Variants in LDLRAD4 observed in about 807,000 individuals in gnomAD.
LDLRAD4 encodes low density lipoprotein receptor class A domain containing 4.
Under a neutral mutation model 17.0 loss-of-function variants are expected in LDLRAD4, and 5 were observed. That is an observed-to-expected ratio of 0.29 (90% CI 0.15 to 0.62). The LOEUF (loss-of-function observed/expected upper bound fraction) is 0.62, where lower values mean the gene tolerates loss of function less well. Ranked by LOEUF, LDLRAD4 falls within the 20% of genes least tolerant of loss-of-function variation. The pLI is 0.84. For missense variants in LDLRAD4, 340 were observed against 424.7 expected (o/e 0.80, Z 1.75); for synonymous variants, 168 against 171.8 (o/e 0.98, Z 0.17).
chr18:13,589,887 G>A (rs751922842), intron 3 of LDLRAD4, among the ~76,000 whole-genome samples: 5 of 152,174 alleles, frequency 3.3e-5, no homozygotes, highest in Non-Finnish European at 1.5e-5. Context: ...TCTCTGATCC[G>A]GGGGTGCTGG....
rs370327033 is a variant in LDLRAD4 at position 13,559,823 on chromosome 18, C to T, written c.182-61294C>T. Among the ~76,000 whole-genome samples the T allele has an allele frequency of 1.5e-4, 23 of 152,254 alleles. No homozygotes were observed. In the East Asian group the frequency reaches 3.9e-3, roughly 26 times the overall value. On this transcript the variant is annotated intron_variant, in intron 3 of 5. Transcript: ENST00000359446. ...ACTCAGTTGCCCATGGAGGAGTTGGCGGGAGATCTCTGATGCCTCTTCCAG... is the reference window on the plus strand; with the variant it reads ...ACTCAGTTGCCCATGGAGGAGTTGGTGGGAGATCTCTGATGCCTCTTCCAG...
chr18:13,397,283 A>G (rs1391170784), intron 2 of LDLRAD4, among the ~76,000 whole-genome samples: 1 of 152,172 alleles, frequency 6.6e-6, no homozygotes, highest in Non-Finnish European at 1.5e-5. Flanking sequence ...AGCTGGGACT[A>G]CAGGCACCCG....
chr18:13,400,146 C>G (rs2087045273), intron 2 of LDLRAD4, among the ~76,000 whole-genome samples: 1 of 152,108 alleles, frequency 6.6e-6, no homozygotes, highest in African/African-American at 2.4e-5. Flanking sequence ...AATGACAAAA[C>G]TGGAAAATAT....
chr18:13,299,733 T>C (rs545365028), intron 1 of LDLRAD4, among the ~76,000 whole-genome samples: 2 of 152,152 alleles, frequency 1.3e-5, no homozygotes, highest in Admixed American at 1.3e-4. Context: ...TCCAAGCTAC[T>C]CAGGAGGCTG....
At chr18:13,528,250 A>C (rs907285646) in intron 3 of LDLRAD4, among the ~76,000 whole-genome samples, 1 of 152,212 alleles carries the variant, frequency 6.6e-6, no homozygotes, top group Non-Finnish European at 1.5e-5. Context: ...CTCTGCCAGC[A>C]CTGAGCTGGA....
intron 1 of LDLRAD4, among the ~76,000 whole-genome samples, chr18:13,357,645 G>A (rs2083427504): frequency 1.3e-5 from 2 of 152,214 alleles, no homozygotes; most frequent in Admixed American, 1.3e-4. Flanking sequence ...ATGTGTGCCT[G>A]TCCATATTTC....
intron 2 of LDLRAD4, among the ~76,000 whole-genome samples, chr18:13,429,206 T>G (rs751283185): frequency 6.6e-6 from 1 of 152,162 alleles, no homozygotes; most frequent in Non-Finnish European, 1.5e-5. Context: ...TGAGGCCAAG[T>G]TAACCACATG....
chr18:13,610,026 A>T (rs1264628468), intron 3 of LDLRAD4, among the ~76,000 whole-genome samples: 1 of 152,174 alleles, frequency 6.6e-6, no homozygotes, highest in Non-Finnish European at 1.5e-5. Flanking sequence ...CATGGCCAAG[A>T]TGCCCAGTGA....
At chr18:13,399,578 A>G (rs532059601) in intron 2 of LDLRAD4, among the ~76,000 whole-genome samples, 1 of 152,336 alleles carries the variant, frequency 6.6e-6, no homozygotes, top group South Asian at 2.1e-4. Flanking sequence ...GACTCACTTT[A>G]TTGACCAAAC....
chr18:13,448,878 G>T (rs2091609357), intron 3 of LDLRAD4, among the ~76,000 whole-genome samples: 2 of 152,202 alleles, frequency 1.3e-5, no homozygotes, highest in Non-Finnish European at 2.9e-5. Flanking sequence ...GCAGAGGTGG[G>T]TGACCCTCCG....
chr18:13,282,385 T>C (rs990597826), intron 1 of LDLRAD4, among the ~76,000 whole-genome samples: 3 of 152,196 alleles, frequency 2.0e-5, no homozygotes, highest in Non-Finnish European at 4.4e-5. Flanking sequence ...TGTGAGCCTG[T>C]AAAATCAAAA....
intron 1 of LDLRAD4, among the ~76,000 whole-genome samples, chr18:13,342,705 T>G (rs898609252): frequency 1.3e-5 from 2 of 151,896 alleles, no homozygotes; most frequent in Non-Finnish European, 2.9e-5. Context: ...TTTTCCATAC[T>G]TTCACTTTCA....
intron 1 of LDLRAD4, among the ~76,000 whole-genome samples, chr18:13,270,559 T>C (rs2044475755): frequency 6.6e-6 from 1 of 152,128 alleles, no homozygotes; most frequent in African/African-American, 2.4e-5. Context: ...TTTCATTAAG[T>C]TATTTCAGAG....
chr18:13,414,708 G>A (rs2088708881), intron 2 of LDLRAD4, among the ~76,000 whole-genome samples: 1 of 152,236 alleles, frequency 6.6e-6, no homozygotes, highest in Admixed American at 6.5e-5. Flanking sequence ...TGCCCTTGCT[G>A]TCCTCAGCAG....
intron 1 of LDLRAD4, among the ~76,000 whole-genome samples, chr18:13,279,103 G>A (rs532907023): frequency 1.5e-4 from 23 of 152,304 alleles, no homozygotes; most frequent in Admixed American, 4.6e-4. Flanking sequence ...TGCTGAGCTC[G>A]TGTGTTTCTC....
intron 3 of LDLRAD4, among the ~76,000 whole-genome samples, chr18:13,479,546 G>A (rs539897941): frequency 5.3e-5 from 8 of 152,220 alleles, no homozygotes; most frequent in South Asian, 4.2e-4. Flanking sequence ...GCTTGAACCC[G>A]GGAGGCGGAG....
chr18:13,464,439 G>A (rs913755398), intron 3 of LDLRAD4, among the ~76,000 whole-genome samples: 7 of 152,080 alleles, frequency 4.6e-5, no homozygotes, highest in African/African-American at 1.4e-4. Flanking sequence ...TACCTTTATC[G>A]GAGCTTATGT....
chr18:13,586,402 G>GAA, intron 3 of LDLRAD4, among the ~76,000 whole-genome samples: 1 of 1,678 alleles, frequency 6.0e-4, no homozygotes, highest in Non-Finnish European at 1.1e-3. Context: ...GCAAGACTCT[G>GAA]TCTCAAAAAA....
chr18:13,350,329 T>C (rs2082966129), intron 1 of LDLRAD4, among the ~76,000 whole-genome samples: 1 of 152,134 alleles, frequency 6.6e-6, no homozygotes, highest in African/African-American at 2.4e-5. Context: ...CATTCTGACT[T>C]GTGTGAGATG....
Sources: gnomAD v4.1 joint callset for allele counts (sites outside exome capture counted in the v4.1 genomes callset) on GRCh38, gnomAD v4.1.1 for gene constraint, MANE v1.5 for transcripts, NCBI Gene and HGNC (gene_info 2026-07-23, HGNC 2026-07-21) for gene names.